DYM: variants seen among roughly 807,000 people sequenced by gnomAD.
DYM encodes dymeclin.
Under a neutral mutation model 93.1 loss-of-function variants are expected in DYM, and 78 were observed. The ratio of observed to expected loss-of-function variants is 0.84; its 90% CI spans 0.70 to 1.01. The LOEUF (loss-of-function observed/expected upper bound fraction) is 1.01. DYM is among the 50% of genes least tolerant of loss of function. The pLI, the probability that DYM is intolerant of heterozygous loss-of-function variation, is 0.00. For missense variants in DYM, 789 were observed against 845.0 expected, an observed-to-expected ratio of 0.93 and a Z score of 0.82; for synonymous variants, 321 against 319.7, an observed-to-expected ratio of 1.00 and a Z score of -0.04.
chr18:49,453,464 C>A (rs943825411), intron 1 of DYM, among the ~76,000 whole-genome samples: 10 of 152,200 alleles, frequency 6.6e-5, no homozygotes, highest in African/African-American at 2.2e-4. Context: ...TCTGCAGCTT[C>A]ACTCCTGAAG....
At position 49,437,836 on chromosome 18, in the gene DYM, T is replaced by C. The variant is rs1030311749; in HGVS notation, c.-53-7389A>G. ...TGAATAAGACCATTACCTGCTCATA[T>C]CCTATGACTGTTTTCTATTGGTTTA... On this transcript the variant is annotated intron_variant, in intron 1 of 17. Transcript: ENST00000675505. Among the ~76,000 whole-genome samples the C allele has an allele frequency of 2.0e-5, 3 of 152,194 alleles. No individual in the cohort carries two copies. In the East Asian group the frequency reaches 5.8e-4, roughly 29 times the overall value.
At chr18:49,279,307 T>C (rs2094916240) in intron 10 of DYM, among the ~76,000 whole-genome samples, 2 of 152,212 alleles carry the variant, frequency 1.3e-5, no homozygotes, top group Admixed American at 6.5e-5. Context: ...AAGGTATTTC[T>C]TAGAAACACT....
At chr18:49,361,064 G>C (rs2065973522) in intron 6 of DYM, among the ~76,000 whole-genome samples, 1 of 152,192 alleles carries the variant, frequency 6.6e-6, no homozygotes, top group Non-Finnish European at 1.5e-5. Context: ...TGGTCACATG[G>C]AACCGCCAAA....
intron 13 of DYM, among the ~76,000 whole-genome samples, chr18:49,238,994 G>C (rs923751708): frequency 6.6e-6 from 1 of 152,090 alleles, no homozygotes; most frequent in Admixed American, 6.6e-5. Flanking sequence ...CTGCCACACT[G>C]CCACAAGATA....
chr18:49,090,233 G>A (rs182417730), intron 17 of DYM, among the ~76,000 whole-genome samples: 1 of 152,276 alleles, frequency 6.6e-6, no homozygotes, highest in African/African-American at 2.4e-5. Context: ...GGGAGGGAGA[G>A]CCACTGTGAT....
intron 17 of DYM, among the ~76,000 whole-genome samples, chr18:49,069,261 T>C (rs2076702507): frequency 1.3e-5 from 2 of 152,174 alleles, no homozygotes; most frequent in South Asian, 4.2e-4. Context: ...CTATGATCCC[T>C]CCCAAAGTAA....
intron 17 of DYM, among the ~76,000 whole-genome samples, chr18:49,082,512 A>C (rs2078142848): frequency 6.6e-6 from 1 of 152,240 alleles, no homozygotes; most frequent in African/African-American, 2.4e-5. Context: ...AAGGTAGTGT[A>C]TTATGTCAAT....
chr18:49,147,845 A>G (rs1164391627), intron 15 of DYM, among the ~76,000 whole-genome samples: 1 of 152,250 alleles, frequency 6.6e-6, no homozygotes, highest in African/African-American at 2.4e-5. Flanking sequence ...ATTACTGGGT[A>G]TATACCCAAA....
intron 14 of DYM, among the ~76,000 whole-genome samples, chr18:49,191,549 T>C (rs1172202914): frequency 1.3e-5 from 2 of 152,174 alleles, no homozygotes; most frequent in Non-Finnish European, 2.9e-5. Context: ...TTATTATATA[T>C]TTAGAGAACA....
chr18:49,213,806 A>G (rs910072578), intron 13 of DYM, among the ~76,000 whole-genome samples: 5 of 152,206 alleles, frequency 3.3e-5, no homozygotes, highest in African/African-American at 1.2e-4. Flanking sequence ...AAATACCAAG[A>G]AATTAAATTA....
At chr18:49,209,413 TA>T (rs897613924) in intron 14 of DYM, 137 bp downstream of exon 14, 5 of 555,466 alleles carry the variant, frequency 9.0e-6, no homozygotes, top group African/African-American at 6.0e-5. Context: ...GCTATTATTT[TA>T]AAAAAATTAT....
At chr18:49,054,010 A>G (rs1377069566) in intron 17 of DYM, among the ~76,000 whole-genome samples, 1 of 152,192 alleles carries the variant, frequency 6.6e-6, no homozygotes, top group East Asian at 1.9e-4. Context: ...TGGGGCCAGG[A>G]GGTTTTACGT....
At chr18:49,132,122 T>C (rs2083431140) in intron 15 of DYM, among the ~76,000 whole-genome samples, 1 of 152,194 alleles carries the variant, frequency 6.6e-6, no homozygotes, top group African/African-American at 2.4e-5. Flanking sequence ...GATGTGATAA[T>C]GATATGTGAT....
chr18:49,167,583 A>T (rs1392955840), intron 14 of DYM, among the ~76,000 whole-genome samples: 1 of 152,200 alleles, frequency 6.6e-6, no homozygotes, highest in East Asian at 1.9e-4. Context: ...AATGTATACG[A>T]GACATGACTT....
At chr18:49,253,851 A>G (rs1383908606) in intron 13 of DYM, among the ~76,000 whole-genome samples, 2 of 152,176 alleles carry the variant, frequency 1.3e-5, no homozygotes, top group Admixed American at 1.3e-4. Context: ...TGTTATTAAG[A>G]AAAGACCTTC....
chr18:49,133,627 C>T lies in DYM; in HGVS notation c.1729-14701G>A, dbSNP rs538571711. Reference sequence around the variant, plus strand: ...AGCTTGGAGTCTGTGCCTGCATTCCCCATCACATTGCCTCCTTCATCTTCA... The same window carrying T: ...AGCTTGGAGTCTGTGCCTGCATTCCTCATCACATTGCCTCCTTCATCTTCA... On this transcript the variant is annotated intron_variant, in intron 15 of 17. Coordinates refer to ENST00000675505, the MANE Select transcript of DYM (RefSeq NM_001353214.3). 4.6e-5 allele frequency among the ~76,000 whole-genome samples: 7 copies of T among 152,318 alleles called. No individual in the cohort carries two copies. The South Asian group carries it at 1.0e-3, about 23-fold the overall frequency.
chr18:49,423,829 C>G (rs980114502), intron 2 of DYM, among the ~76,000 whole-genome samples: 1 of 152,152 alleles, frequency 6.6e-6, no homozygotes, highest in Non-Finnish European at 1.5e-5. Context: ...CACATACACC[C>G]TCCCAAGACT....
At chr18:49,148,869 G>A (rs1011631798) in intron 15 of DYM, among the ~76,000 whole-genome samples, 5 of 152,154 alleles carry the variant, frequency 3.3e-5, no homozygotes, top group African/African-American at 1.2e-4. Context: ...CATGGAAGAC[G>A]ATTTTTCCAC....
chr18:49,441,242 CATA>C (rs1294290236), intron 1 of DYM, among the ~76,000 whole-genome samples: 18 of 22,792 alleles, frequency 7.9e-4, no homozygotes, highest in African/African-American at 2.7e-3. Flanking sequence ...ATATAATATA[CATA>C]ATATTGTTAT....
Sources: gnomAD v4.1 joint callset for allele counts (sites outside exome capture counted in the v4.1 genomes callset) on GRCh38, gnomAD v4.1.1 for gene constraint, MANE v1.5 for transcripts, NCBI Gene and HGNC (gene_info 2026-07-23, HGNC 2026-07-21) for gene names.